Variants in NCOA3 observed in about 807,000 individuals in gnomAD.
The protein encoded by NCOA3 is nuclear receptor coactivator 3, also known as CBP-interacting protein.
Under a neutral mutation model 158.8 loss-of-function variants are expected in NCOA3, and 51 were observed. The ratio of observed to expected loss-of-function variants is 0.32; its 90% confidence interval spans 0.26 to 0.41. The LOEUF is 0.41. Among genes scored for constraint, NCOA3 ranks in the 10% least tolerant of loss-of-function variants. NCOA3 has a pLI of 1.00. For synonymous variants in NCOA3, 537 were observed against 592.4 expected (o/e 0.91, Z 1.36); for missense variants, 1,510 against 1,746.6 (o/e 0.86, Z 2.41).
chr20:47,513,850 G>A (rs192650829), intron 1 of NCOA3, among the ~76,000 whole-genome samples: 19 of 152,026 alleles, frequency 1.2e-4, no homozygotes, highest in Non-Finnish European at 2.6e-4. Context: ...TTACTTAGGT[G>A]TGTTCATTTT....
chr20:47,584,981 G>C (rs1037256665), intron 2 of NCOA3, among the ~76,000 whole-genome samples: 1 of 149,424 alleles, frequency 6.7e-6, no homozygotes, highest in African/African-American at 2.5e-5. Flanking sequence ...GTTTCACCTT[G>C]TGAAGACAAA....
At position 47,655,193 on chromosome 20, in the gene NCOA3, CTCTT is replaced by C. The variant is rs2086853620; in HGVS notation, c.*1778_*1781del. 1 of 152,204 alleles carries C rather than the reference CTCTT, an allele frequency of 6.6e-6. No homozygotes were observed. The highest frequency in any genetic ancestry group is 1.5e-5 in the Non-Finnish European group (1 of 68,040). The allele number at this position is 152,204 out of a possible 1,614,324, so 9.4% of individuals were successfully genotyped here. A position where few individuals can be genotyped will look rare whatever the true frequency, so the allele number is the denominator to read the frequency against. ...CCCTACCACTTTTCTGCTGTTGCCT[CTCTT>C]TGACACCTGTTTTAGTCAGTTGGGA... On this transcript the variant is annotated 3_prime_UTR_variant, in exon 23 of 23. Transcript: ENST00000371998.
intron 2 of NCOA3, among the ~76,000 whole-genome samples, chr20:47,585,775 C>G (rs748939686): frequency 1.1e-4 from 16 of 152,134 alleles, no homozygotes; most frequent in Non-Finnish European, 1.5e-4. Context: ...AGAAAAAGTA[C>G]AAACTCCCTT....
rs185051559 is a variant in NCOA3, at chr20:47,612,274, T to C, written c.-19-9955T>C. Among the ~76,000 whole-genome samples the C allele has an allele frequency of 4.0e-5, 6 of 150,226 alleles. No homozygotes were observed. In the Admixed American group the frequency reaches 4.0e-4, roughly 10 times the overall value. On this transcript the variant is annotated intron_variant, in intron 2 of 22. Coordinates refer to ENST00000371998, the MANE Select transcript of NCOA3 (RefSeq NM_181659.3). The stretch of plus-strand genomic sequence containing the variant: ...GAATGGTGGTAGTTAAAAAAAAAAT[T>C]TGTAAAAAATAGAGTTACATACAAG...
chr20:47,521,780 A>C (rs2084338713), intron 1 of NCOA3, among the ~76,000 whole-genome samples: 1 of 152,226 alleles, frequency 6.6e-6, no homozygotes, highest in African/African-American at 2.4e-5. Context: ...CATATCCAAC[A>C]CTCAGGCACC....
intron 2 of NCOA3, among the ~76,000 whole-genome samples, chr20:47,590,467 G>A (rs747685703): frequency 6.6e-5 from 10 of 151,994 alleles, no homozygotes; most frequent in Admixed American, 1.3e-4. Flanking sequence ...ACAGGCATGC[G>A]CCACCGCTCT....
Position 47,622,335 on chromosome 20 carries a change from G to C in NCOA3, c.83+5G>C, listed in dbSNP as rs1258554532. The C allele has an allele frequency of 1.4e-5, 22 of 1,576,674 alleles. No individual in the cohort carries two copies. The highest frequency in any genetic ancestry group is 1.8e-5 in the Non-Finnish European group (21 of 1,158,664). On this transcript the variant is annotated splice_donor_5th_base_variant and intron_variant, in intron 3 of 22. Transcript: ENST00000371998. ...ATGTGATACTCCAGGACAAGGGTAG[G>C]TGACTTATTTCCTGGTGCTTTACCA...
chr20:47,647,992 G>T (rs1456620181), intron 18 of NCOA3, among the ~76,000 whole-genome samples: 1 of 146,280 alleles, frequency 6.8e-6, no homozygotes, highest in African/African-American at 2.6e-5. Flanking sequence ...TTGGCTTACT[G>T]CAACCTCCAC....
At chr20:47,503,840 G>T (rs1401563259) in intron 1 of NCOA3, among the ~76,000 whole-genome samples, 1 of 152,110 alleles carries the variant, frequency 6.6e-6, no homozygotes. Context: ...GTTGCTTCAG[G>T]TTCTGCATTT....
At chr20:47,524,716 G>T (rs887823842) in intron 1 of NCOA3, among the ~76,000 whole-genome samples, 2 of 152,156 alleles carry the variant, frequency 1.3e-5, no homozygotes, top group African/African-American at 2.4e-5. Flanking sequence ...ATCTTATAAA[G>T]CTTCTGTCAG....
intron 1 of NCOA3, among the ~76,000 whole-genome samples, chr20:47,568,194 A>C (rs1251579819): frequency 6.6e-6 from 1 of 152,216 alleles, no homozygotes; most frequent in East Asian, 1.9e-4. Flanking sequence ...TTCCTTGACA[A>C]GTGAGGAATG....
intron 10 of NCOA3, 108 bp from the exon 11 acceptor site, chr20:47,635,214 C>G: frequency 5.5e-6 from 6 of 1,099,302 alleles, no homozygotes; most frequent in Non-Finnish European, 7.6e-6. Context: ...TAGGTGTTAG[C>G]CACTGTAGCT....
At chr20:47,542,415 C>T (rs1162551118) in intron 1 of NCOA3, among the ~76,000 whole-genome samples, 1 of 151,930 alleles carries the variant, frequency 6.6e-6, no homozygotes, top group Non-Finnish European at 1.5e-5. Context: ...CCTCTGTCCT[C>T]TCTCTCTCTA....
intron 1 of NCOA3, among the ~76,000 whole-genome samples, chr20:47,528,134 A>C (rs2084486564): frequency 6.6e-6 from 1 of 152,184 alleles, no homozygotes; most frequent in South Asian, 2.1e-4. Context: ...TCTTGGTCAT[A>C]TGTATATTTT....
rs571320360 is a variant in NCOA3, at chr20:47,545,650, G to GT, written c.-98-37525dup. On this transcript the variant is annotated intron_variant, in intron 1 of 22. Coordinates refer to ENST00000371998, the MANE Select transcript of NCOA3 (RefSeq NM_181659.3). ...GCTGTTTTTTTTTTATTTGCTTTTT[G>GT]TTTTTTTTGTCTTACTGCCTTGGTT... Among the ~76,000 whole-genome samples, 232 of 146,488 alleles carry GT rather than the reference G, an allele frequency of 1.6e-3. 1 individual carries two copies. The highest frequency in any genetic ancestry group is 3.4e-3 in the Middle Eastern group (1 of 290).
intron 19 of NCOA3, among the ~76,000 whole-genome samples, chr20:47,650,459 C>G: frequency 6.6e-6 from 1 of 151,744 alleles, no homozygotes; most frequent in East Asian, 2.0e-4. Flanking sequence ...CCATTTTGGC[C>G]AGGCTGGTCT....
intron 1 of NCOA3, 83 bp from the exon 2 acceptor site, chr20:47,583,100 C>T (rs931044453): frequency 2.5e-6 from 1 of 397,604 alleles, no homozygotes; most frequent in Non-Finnish European, 4.4e-6. Flanking sequence ...GGCTGGAAGA[C>T]TTAATTTGTG....
chr20:47,605,146 G>A (rs751016806), intron 2 of NCOA3, among the ~76,000 whole-genome samples: 2 of 152,212 alleles, frequency 1.3e-5, no homozygotes, highest in Admixed American at 6.5e-5. Context: ...GATAATAGGC[G>A]TGAGCCACCA....
intron 9 of NCOA3, 117 bp from the exon 10 acceptor site, chr20:47,633,931 C>A (rs971281711): frequency 2.3e-6 from 3 of 1,310,338 alleles, no homozygotes; most frequent in Non-Finnish European, 3.2e-6. Context: ...TGGTGCAGAT[C>A]CAGTCTTTCC....
Sources: gnomAD v4.1 joint callset for allele counts (sites outside exome capture counted in the v4.1 genomes callset) on GRCh38, gnomAD v4.1.1 for gene constraint, MANE v1.5 for transcripts, NCBI Gene and HGNC (gene_info 2026-07-23, HGNC 2026-07-21) for gene names.